The following GALNT17 variants were observed in gnomAD, a reference collection of about 807,000 sequenced individuals.
GALNT17 encodes UDP-GalNAc:polypeptide N-acetylgalactosaminyltransferase-like 3.
Under a neutral mutation model 63.7 loss-of-function variants are expected in GALNT17, and 29 were observed. That is an observed-to-expected ratio of 0.46 (90% CI 0.34 to 0.62). The LOEUF is 0.62. Ranked by LOEUF, GALNT17 falls within the 20% of genes least tolerant of loss-of-function variation. The pLI, the probability that GALNT17 is intolerant of heterozygous loss-of-function variation, is 0.01. For missense variants in GALNT17, 603 were observed against 799.6 expected (o/e 0.75, Z 2.97); for synonymous variants, 305 against 318.3 (o/e 0.96, Z 0.45).
chr7:71,540,669 G>T (rs1216098528), intron 5 of GALNT17, among the ~76,000 whole-genome samples: 2 of 151,980 alleles, frequency 1.3e-5, no homozygotes, highest in African/African-American at 4.8e-5. Flanking sequence ...TTATTACATA[G>T]GTATATTTAT....
intron 4 of GALNT17, among the ~76,000 whole-genome samples, chr7:71,419,332 G>A (rs1360496825): frequency 6.6e-6 from 1 of 152,008 alleles, no homozygotes; most frequent in Non-Finnish European, 1.5e-5. Context: ...TAACCTCCCT[G>A]GTCCTCAGTA....
intron 5 of GALNT17, among the ~76,000 whole-genome samples, chr7:71,502,483 C>G (rs566721483): frequency 6.6e-6 from 1 of 152,296 alleles, no homozygotes; most frequent in East Asian, 1.9e-4. Context: ...AGGAGAAGCA[C>G]TGAGCAATAC....
chr7:71,632,321 A>T (rs937994037), intron 6 of GALNT17, among the ~76,000 whole-genome samples: 4 of 152,146 alleles, frequency 2.6e-5, no homozygotes, highest in Non-Finnish European at 4.4e-5. Flanking sequence ...TGCCTGCCCT[A>T]TTTCAGGTTG....
chr7:71,361,413 C>T (rs761601504), intron 2 of GALNT17, among the ~76,000 whole-genome samples: 25 of 152,138 alleles, frequency 1.6e-4, no homozygotes, highest in Non-Finnish European at 1.9e-4. Context: ...TATCTGAGAC[C>T]GCCTTGAAGG....
intron 5 of GALNT17, among the ~76,000 whole-genome samples, chr7:71,541,902 C>T (rs1326503291): frequency 1.3e-5 from 2 of 152,190 alleles, no homozygotes; most frequent in Non-Finnish European, 2.9e-5. Context: ...TAGGAATACA[C>T]ACACAGGGAG....
rs545610436 is a variant in GALNT17 at position 71,312,458 on chromosome 7, T to G, written c.239-23092T>G. On this transcript the variant is annotated intron_variant, in intron 1 of 10. Coordinates refer to ENST00000333538, the MANE Select transcript of GALNT17 (RefSeq NM_022479.3). The stretch of plus-strand genomic sequence containing the variant: ...AAAACTCTTGAAAATTGAGTACAAT[T>G]ATCTGTGATTGTGGATTAGTGTATT... 7.4e-4 allele frequency among the ~76,000 whole-genome samples: 113 copies of G among 152,358 alleles called. 3 individuals carry two copies. The South Asian group carries it at 0.023, about 31-fold the overall frequency.
At chr7:71,490,705 G>T (rs1393026665) in intron 5 of GALNT17, among the ~76,000 whole-genome samples, 1 of 151,718 alleles carries the variant, frequency 6.6e-6, no homozygotes, top group Admixed American at 6.6e-5. Context: ...TTTGAGACCA[G>T]CCTGGGCAAT....
At chr7:71,670,757 C>A (rs1791056248) in intron 8 of GALNT17, among the ~76,000 whole-genome samples, 1 of 152,068 alleles carries the variant, frequency 6.6e-6, no homozygotes, top group South Asian at 2.1e-4. Flanking sequence ...AAGAAAACTG[C>A]AACTTAGAGA....
At chr7:71,336,535 C>T (rs959175003) in intron 2 of GALNT17, among the ~76,000 whole-genome samples, 2 of 152,144 alleles carry the variant, frequency 1.3e-5, no homozygotes, top group African/African-American at 4.8e-5. Context: ...TATTGTTCCC[C>T]TCTTTATGTC....
chr7:71,180,912 T>C (rs182041234), intron 1 of GALNT17, among the ~76,000 whole-genome samples: 2 of 152,268 alleles, frequency 1.3e-5, no homozygotes, highest in African/African-American at 4.8e-5. Flanking sequence ...AACACGGTCA[T>C]TGTGGAAATA....
intron 1 of GALNT17, among the ~76,000 whole-genome samples, chr7:71,142,067 A>T (rs1301357090): frequency 6.8e-6 from 1 of 146,724 alleles, no homozygotes; most frequent in East Asian, 2.1e-4. Flanking sequence ...ATGGGGTTTC[A>T]CCATGTTGGC....
At chr7:71,162,426 A>C (rs1788366410) in intron 1 of GALNT17, among the ~76,000 whole-genome samples, 2 of 147,666 alleles carry the variant, frequency 1.4e-5, no homozygotes, top group South Asian at 4.2e-4. Context: ...CCATCCATCC[A>C]TCCATCCATT....
intron 2 of GALNT17, among the ~76,000 whole-genome samples, chr7:71,357,250 G>C (rs1792303787): frequency 6.6e-6 from 1 of 152,208 alleles, no homozygotes; most frequent in Non-Finnish European, 1.5e-5. Context: ...TGGCAGGCAA[G>C]TGAGCATGAC....
chr7:71,172,340 C>A (rs1029396495), intron 1 of GALNT17, among the ~76,000 whole-genome samples: 6 of 151,712 alleles, frequency 4.0e-5, no homozygotes, highest in African/African-American at 4.8e-5. Context: ...ACCTGCGGAC[C>A]CAGCTACTCA....
chr7:71,247,309 G>A (rs1038423748), intron 1 of GALNT17, among the ~76,000 whole-genome samples: 4 of 152,248 alleles, frequency 2.6e-5, no homozygotes, highest in Admixed American at 1.3e-4. Context: ...TTATAGCTTT[G>A]GGGATAGATG....
chr7:71,569,025 G>T (rs1172392134), intron 5 of GALNT17, among the ~76,000 whole-genome samples: 1 of 152,158 alleles, frequency 6.6e-6, no homozygotes, highest in African/African-American at 2.4e-5. Context: ...AGGCTGGAGT[G>T]CAGTGGTGCG....
chr7:71,217,144 T>G (rs1789497859), intron 1 of GALNT17, among the ~76,000 whole-genome samples: 3 of 137,868 alleles, frequency 2.2e-5, no homozygotes, highest in Non-Finnish European at 4.6e-5. Context: ...TTTCGTGTTT[T>G]GTTTTTTTTT....
At chr7:71,536,608 T>C (rs776391831) in intron 5 of GALNT17, among the ~76,000 whole-genome samples, 2 of 152,134 alleles carry the variant, frequency 1.3e-5, no homozygotes, top group African/African-American at 2.4e-5. Flanking sequence ...ATGAGACTTA[T>C]TCACTACCAT....
At chr7:71,154,763 A>G (rs887407020) in intron 1 of GALNT17, among the ~76,000 whole-genome samples, 5 of 151,652 alleles carry the variant, frequency 3.3e-5, no homozygotes, top group Non-Finnish European at 5.9e-5. Context: ...TTTTTAGTAG[A>G]GATGGGGTTT....
Sources: allele counts gnomAD v4.1 joint callset (sites outside exome capture counted in the v4.1 genomes callset), GRCh38; gene constraint gnomAD v4.1.1; transcripts MANE v1.5; gene names NCBI Gene and HGNC (gene_info 2026-07-23, HGNC 2026-07-21).